SLAMF1: variants seen among roughly 807,000 people sequenced by gnomAD.
SLAMF1 encodes signaling lymphocytic activation molecule.
Under a neutral mutation model 35.1 loss-of-function variants are expected in SLAMF1, and 18 were observed. The observed-to-expected ratio is 0.51, with a 90% CI of 0.35 to 0.76. The LOEUF (loss-of-function observed/expected upper bound fraction) is 0.76, where lower values mean the gene tolerates loss of function less well. Among genes scored for constraint, SLAMF1 ranks in the 30% least tolerant of loss-of-function variants. The probability of loss-of-function intolerance (pLI) is 0.01; values close to 1 mark genes in which losing one functional copy is unlikely to be tolerated. For synonymous variants in SLAMF1, 168 were observed against 157.2 expected (o/e 1.07, Z -0.51); for missense variants, 392 against 413.0 (o/e 0.95, Z 0.44).
intron 4 of SLAMF1, among the ~76,000 whole-genome samples, chr1:160,620,599 TAAAGTAA>T (rs571330813): frequency 6.6e-6 from 1 of 152,262 alleles, no homozygotes; most frequent in South Asian, 2.1e-4. Flanking sequence ...ATATAAAGTA[TAAAGTAA>T]AAAGTATAAA....
chr1:160,626,764 C>A (rs113267428), intron 3 of SLAMF1, among the ~76,000 whole-genome samples: 8 of 152,198 alleles, frequency 5.3e-5, no homozygotes, highest in African/African-American at 1.9e-4. Context: ...TGACTCAAAC[C>A]TTTTGAGTCA....
rs778334182 is a variant in SLAMF1 at position 160,609,672 on chromosome 1, T to C, written c.*1076A>G. ...TAAAAAGTCTCTTTCTGCCTGCAGC[T>C]TGCAAAATAAGTTATTGAGCATTCA... On this transcript the variant is annotated 3_prime_UTR_variant, in exon 7 of 7. Coordinates refer to ENST00000302035, the MANE Select transcript of SLAMF1 (RefSeq NM_003037.5). 1.3e-5 allele frequency: 2 copies of C among 152,262 alleles called. No homozygotes were observed. Among genetic ancestry groups the C allele is most frequent in the Non-Finnish European group, 2.9e-5 (2 of 68,050 alleles). 9.4% of individuals were successfully genotyped at this position (152,262 alleles called of 1,614,324 possible).
chr1:160,641,300 C>T (rs879820150), intron 1 of SLAMF1, among the ~76,000 whole-genome samples: 2 of 151,874 alleles, frequency 1.3e-5, no homozygotes, highest in Non-Finnish European at 2.9e-5. Context: ...AATAAAAAAT[C>T]CCATTTTCAG....
Position 160,622,577 on chromosome 1 carries a change from T to C in SLAMF1, c.790+1519A>G, listed in dbSNP as rs548324300. ...ATCTGTCTATCTGTCTATGTATCTA[T>C]CTGTCTATGTATCTATCTATCTATC... On this transcript the variant is annotated intron_variant, in intron 4 of 6. Transcript: ENST00000302035. 3.9e-5 allele frequency among the ~76,000 whole-genome samples: 6 copies of C among 152,304 alleles called. No homozygotes were observed. In the South Asian group the frequency reaches 1.2e-3, roughly 32 times the overall value.
intron 3 of SLAMF1, among the ~76,000 whole-genome samples, chr1:160,630,544 C>T (rs760890180): frequency 3.9e-5 from 6 of 152,220 alleles, no homozygotes; most frequent in Non-Finnish European, 7.4e-5. Context: ...CTCTAATAAA[C>T]CCTCGGACCC....
chr1:160,616,286 A>AT (rs372206390), intron 5 of SLAMF1, among the ~76,000 whole-genome samples: 365 of 151,826 alleles, frequency 2.4e-3, no homozygotes, highest in African/African-American at 8.1e-3. Flanking sequence ...TCTGTTACTT[A>AT]TTTTTTTAAG....
intron 3 of SLAMF1, among the ~76,000 whole-genome samples, chr1:160,624,706 C>T (rs1296398503): frequency 6.6e-6 from 1 of 152,210 alleles, no homozygotes; most frequent in Non-Finnish European, 1.5e-5. Flanking sequence ...TTGAACCCAG[C>T]AGACCTGAAC....
Position 160,613,446 on chromosome 1 carries a change from A to T in SLAMF1, c.865-866T>A, listed in dbSNP as rs185803349. ...TATTTGTTGATGTTACTTTGAACGA[A>T]TTAAAATCCACAATTCCTGGACAAA... On this transcript the variant is annotated intron_variant, in intron 5 of 6. Coordinates refer to ENST00000302035, the MANE Select transcript of SLAMF1 (RefSeq NM_003037.5). Among the ~76,000 whole-genome samples, 12 of 152,346 alleles carry T rather than the reference A, an allele frequency of 7.9e-5. No individual in the cohort carries two copies. The East Asian group carries it at 2.3e-3, about 29-fold the overall frequency.
intron 5 of SLAMF1, among the ~76,000 whole-genome samples, chr1:160,619,171 C>T (rs1659474435): frequency 6.6e-6 from 1 of 152,200 alleles, no homozygotes; most frequent in African/African-American, 2.4e-5. Context: ...CTACATCTAA[C>T]CACGATCCTT....
intron 2 of SLAMF1, among the ~76,000 whole-genome samples, chr1:160,635,858 C>T (rs1451973243): frequency 2.0e-5 from 3 of 151,960 alleles, no homozygotes; most frequent in Admixed American, 1.3e-4. Context: ...AGATTACAGG[C>T]GTGAGCCACC....
chr1:160,620,935 T>C (rs368493239), intron 4 of SLAMF1, among the ~76,000 whole-genome samples: 2 of 152,356 alleles, frequency 1.3e-5, no homozygotes, highest in South Asian at 2.1e-4. Context: ...TATTAGACAA[T>C]GCAGTTTTGG....
rs1658872226 is a variant in SLAMF1 at position 160,609,588 on chromosome 1, C to T, written c.*1160G>A. ...TAAGAAACAATAAGAAAAAGCAGGG[C>T]TTAAATTGAGGACAGCCTGTCTAAA... On this transcript the variant is annotated 3_prime_UTR_variant, in exon 7 of 7. Coordinates refer to ENST00000302035, the MANE Select transcript of SLAMF1 (RefSeq NM_003037.5). 1 of 152,104 alleles carries T rather than the reference C, an allele frequency of 6.6e-6. No individual in the cohort carries two copies. Among genetic ancestry groups the T allele is most frequent in the Non-Finnish European group, 1.5e-5 (1 of 68,024 alleles). The allele number at this position is 152,104 out of a possible 1,614,324, so 9.4% of individuals were successfully genotyped here.
intron 2 of SLAMF1, 89 bp downstream of exon 2, chr1:160,637,102 A>G: frequency 1.2e-6 from 1 of 806,388 alleles, no homozygotes; most frequent in Non-Finnish European, 2.1e-6. Context: ...CCAATTCTGA[A>G]TACCCTTTGC....
At chr1:160,644,558 G>C (rs1426183991) in intron 1 of SLAMF1, among the ~76,000 whole-genome samples, 6 of 152,142 alleles carry the variant, frequency 3.9e-5, no homozygotes, top group African/African-American at 9.7e-5. Context: ...TCAGGTGCTG[G>C]GCAGTGGCTG....
In SLAMF1 at chr1:160,642,990, A is replaced by C. The variant is rs1660832751; in HGVS notation, c.76+3880T>G. Among the ~76,000 whole-genome samples the C allele has an allele frequency of 6.6e-6, 1 of 152,058 alleles. No homozygotes were observed. The highest frequency in any genetic ancestry group is 2.4e-5 in the African/African-American group (1 of 41,384). On this transcript the variant is annotated intron_variant, in intron 1 of 6. Transcript: ENST00000302035. The surrounding 1 kb of genome is among the most constrained non-coding windows in gnomAD (Gnocchi z 4.2). Reference sequence around the variant, plus strand: ...CAAATGTGCACATGAGATATACTGGATTAGAGTTAAATTTCTTATTAAATG... The same window carrying C: ...CAAATGTGCACATGAGATATACTGGCTTAGAGTTAAATTTCTTATTAAATG...
At chr1:160,623,523 A>G (rs527653856) in intron 4 of SLAMF1, 1 of 398,746 alleles carries the variant, frequency 2.5e-6, no homozygotes, top group South Asian at 1.3e-4. Flanking sequence ...CAGCCGGGGC[A>G]TCTCTCCTGG....
Position 160,637,528 on chromosome 1 carries a change from A to C in SLAMF1, c.78T>G (p.Gly26=). The part of the protein sequence containing the change: ...SLAFGASYGT[G]GRMMNCPKIL... ...TCTTTGGGCAGTTCATCATGCGCCC[A>C]CCTGTGGGAGGGAGGAGAAGAGAGT... The change falls in exon 2 of 7, where the codon GGT becomes GGG. Residue 26 remains glycine (G), a splice_region_variant and synonymous_variant. Coordinates refer to ENST00000302035, the MANE Select transcript of SLAMF1 (RefSeq NM_003037.5). The C allele has an allele frequency of 6.2e-7, 1 of 1,606,886 alleles. No individual in the cohort carries two copies. Among genetic ancestry groups the C allele is most frequent in the Non-Finnish European group, 8.5e-7 (1 of 1,178,734 alleles).
intron 4 of SLAMF1, 65 bp downstream of exon 4, chr1:160,624,031 T>C: frequency 8.5e-7 from 1 of 1,178,292 alleles, no homozygotes; most frequent in Non-Finnish European, 1.2e-6. Flanking sequence ...TCCGAGCCTG[T>C]GGAGAGAGGT....
intron 3 of SLAMF1, among the ~76,000 whole-genome samples, chr1:160,632,675 T>C (rs1226127139): frequency 6.6e-6 from 1 of 152,174 alleles, no homozygotes; most frequent in Non-Finnish European, 1.5e-5. Context: ...CAGTGCCCTG[T>C]TTTTGTACTC....
Sources: allele counts gnomAD v4.1 joint callset (sites outside exome capture counted in the v4.1 genomes callset), GRCh38; gene constraint gnomAD v4.1.1; non-coding constraint Gnocchi (gnomAD v3.1); transcripts MANE v1.5; gene names NCBI Gene and HGNC (gene_info 2026-07-23, HGNC 2026-07-21).